CELF2: variants seen among roughly 807,000 people sequenced by gnomAD.
The protein encoded by CELF2 is CUGBP Elav-like family member 2.
A neutral mutation model predicts 62.6 loss-of-function variants in CELF2; 8 were observed. The observed-to-expected ratio is 0.13, with a 90% CI of 0.07 to 0.23. The LOEUF is 0.23. Among genes scored for constraint, CELF2 ranks in the 10% least tolerant of loss-of-function variants. CELF2 has a pLI of 1.00. For synonymous variants in CELF2, 258 were observed against 250.0 expected (o/e 1.03, Z -0.30); for missense variants, 333 against 671.0 (o/e 0.50, Z 5.56).
At chr10:11,154,307 A>C (rs145815416) in intron 1 of CELF2, among the ~76,000 whole-genome samples, 24 of 152,374 alleles carry the variant, frequency 1.6e-4, no homozygotes, top group Admixed American at 2.6e-4. Flanking sequence ...GAGAGAGAAG[A>C]AGCAAAGAGA....
chr10:10,940,729 G>A (rs1319948469), intron 2 of CELF2, among the ~76,000 whole-genome samples: 1 of 152,126 alleles, frequency 6.6e-6, no homozygotes, highest in Admixed American at 6.5e-5. Context: ...GTGTCTGTCT[G>A]GCCAAGCATA....
chr10:11,105,758 C>G (rs1173188857), intron 1 of CELF2, among the ~76,000 whole-genome samples: 1 of 152,248 alleles, frequency 6.6e-6, no homozygotes, highest in East Asian at 1.9e-4. Context: ...CATCTCTGCT[C>G]TGGGATCCTG....
At chr10:11,113,957 G>C (rs1430620761) in intron 1 of CELF2, among the ~76,000 whole-genome samples, 1 of 152,136 alleles carries the variant, frequency 6.6e-6, no homozygotes, top group African/African-American at 2.4e-5. Flanking sequence ...TATATGATTT[G>C]TGTCTAGCTT....
chr10:10,644,086 AG>A, the CELF2 span, among the ~76,000 whole-genome samples: 1 of 152,152 alleles, frequency 6.6e-6, no homozygotes, highest in East Asian at 1.9e-4. Flanking sequence ...AGCTGACAAA[AG>A]AGGTTTACCT....
rs777223453 is a variant in CELF2, at chr10:11,328,889, C to T, written c.1439-37C>T. On this transcript the variant is annotated intron_variant, in intron 12 of 12. Transcript: ENST00000633077. The surrounding 1 kb of genome is among the most constrained non-coding windows in gnomAD (Gnocchi z 6.4). ...CCCTTTTCTGTTTTCTGCTGGGCTT[C>T]CTCTCCAGGCTGACTCCCTCTCTCG... is the stretch of plus-strand genomic sequence containing the variant. 1.9e-6 allele frequency: 3 copies of T among 1,588,018 alleles called. No homozygotes were observed. The South Asian group carries it at 3.4e-5, about 18-fold the overall frequency.
At chr10:11,286,976 G>T (rs1474457997) in intron 8 of CELF2, among the ~76,000 whole-genome samples, 1 of 152,158 alleles carries the variant, frequency 6.6e-6, no homozygotes, top group Non-Finnish European at 1.5e-5. Flanking sequence ...AAGTGGAAAT[G>T]CACCCTGGTT....
chr10:11,188,773 A>G (rs998821202), intron 2 of CELF2, among the ~76,000 whole-genome samples: 5 of 152,088 alleles, frequency 3.3e-5, no homozygotes, highest in African/African-American at 1.2e-4. Context: ...GATTACTTGT[A>G]TATTTGGCCA....
the CELF2 span, among the ~76,000 whole-genome samples, chr10:10,653,978 A>G: frequency 6.6e-6 from 1 of 151,860 alleles, no homozygotes; most frequent in Non-Finnish European, 1.5e-5. Flanking sequence ...TAGCAAGACT[A>G]ATAAAGAAAA....
chr10:11,062,112 G>T (rs1038463799), intron 1 of CELF2, among the ~76,000 whole-genome samples: 1 of 152,278 alleles, frequency 6.6e-6, no homozygotes, highest in South Asian at 2.1e-4. Context: ...CCAGTTTACC[G>T]AATTTTTTAT....
intron 2 of CELF2, among the ~76,000 whole-genome samples, chr10:11,199,360 C>T (rs780717174): frequency 6.6e-6 from 1 of 152,114 alleles, no homozygotes; most frequent in Non-Finnish European, 1.5e-5. Flanking sequence ...AATCTTGAGC[C>T]CTCTAGGCAG....
rs201894069 is a variant in CELF2, at chr10:11,116,133, A to C, written c.75-49353A>C. Among the ~76,000 whole-genome samples the C allele has an allele frequency of 2.6e-5, 4 of 152,234 alleles. No homozygotes were observed. The East Asian group carries it at 7.7e-4, about 29-fold the overall frequency. On this transcript the variant is annotated intron_variant, in intron 1 of 12. Transcript: ENST00000633077. Reference sequence around the variant, plus strand: ...TCCTTTTAATTTAATACTCTAAATTAATGTTTTGAATTGCTTCTCTGCAAG... The same window carrying C: ...TCCTTTTAATTTAATACTCTAAATTCATGTTTTGAATTGCTTCTCTGCAAG...
the CELF2 span, among the ~76,000 whole-genome samples, chr10:10,519,381 A>G: frequency 2.0e-5 from 3 of 152,212 alleles, no homozygotes; most frequent in Admixed American, 2.0e-4. Flanking sequence ...GTAAAAAATG[A>G]CATGACCCAA....
At chr10:11,155,476 G>A (rs192162766) in intron 1 of CELF2, among the ~76,000 whole-genome samples, 2 of 152,310 alleles carry the variant, frequency 1.3e-5, no homozygotes, top group East Asian at 3.9e-4. Flanking sequence ...CAACATGAGA[G>A]ATCTTGGAGG....
intron 2 of CELF2, among the ~76,000 whole-genome samples, chr10:10,978,119 T>C (rs531324573): frequency 1.3e-5 from 2 of 151,828 alleles, no homozygotes; most frequent in South Asian, 4.2e-4. Flanking sequence ...CAGGAATGTG[T>C]CTATGAAATT....
At chr10:11,241,612 A>AT (rs1438899744) in intron 3 of CELF2, among the ~76,000 whole-genome samples, 2 of 152,052 alleles carry the variant, frequency 1.3e-5, no homozygotes, top group Admixed American at 1.3e-4. Context: ...TTTTGTTTTT[A>AT]TTTTTTTAAT....
At chr10:11,103,411 C>A (rs527753317) in intron 1 of CELF2, among the ~76,000 whole-genome samples, 3 of 149,556 alleles carry the variant, frequency 2.0e-5, no homozygotes, top group African/African-American at 7.4e-5. Flanking sequence ...TAACATTTTA[C>A]AAGAGGCTGC....
At chr10:10,479,168 A>T in the CELF2 span, among the ~76,000 whole-genome samples, 1 of 151,676 alleles carries the variant, frequency 6.6e-6, no homozygotes, top group East Asian at 1.9e-4. Flanking sequence ...ATCTAAACTA[A>T]TTTTTTTTGT....
At chr10:10,831,595 T>C (rs2057862887) in intron 1 of CELF2, among the ~76,000 whole-genome samples, 2 of 152,176 alleles carry the variant, frequency 1.3e-5, no homozygotes, top group Admixed American at 6.5e-5. Flanking sequence ...CAGCCTGATC[T>C]CCACCTGGTC....
intron 4 of CELF2, among the ~76,000 whole-genome samples, chr10:11,251,387 T>C (rs1341146737): frequency 6.6e-6 from 1 of 151,752 alleles, no homozygotes; most frequent in Non-Finnish European, 1.5e-5. Flanking sequence ...TGTTGTTCTT[T>C]CTGTCCAGTG....
Sources: allele counts gnomAD v4.1 joint callset (sites outside exome capture counted in the v4.1 genomes callset), GRCh38; gene constraint gnomAD v4.1.1; non-coding constraint Gnocchi (gnomAD v3.1); transcripts MANE v1.5; gene names NCBI Gene and HGNC (gene_info 2026-07-23, HGNC 2026-07-21).